The following FNBP1 variants were observed in gnomAD, a reference collection of about 807,000 sequenced individuals.
FNBP1 encodes formin binding protein 1, also known as formin-binding protein 1.
A neutral mutation model predicts 90.6 loss-of-function variants in FNBP1; 26 were observed. The observed-to-expected ratio is 0.29, with a 90% CI of 0.21 to 0.40. The LOEUF (loss-of-function observed/expected upper bound fraction) is 0.40. Among genes scored for constraint, FNBP1 ranks in the 10% least tolerant of loss-of-function variants. FNBP1 has a pLI of 1.00. For missense variants in FNBP1, 635 were observed against 768.0 expected, an observed-to-expected ratio of 0.83 and a Z score of 2.05; for synonymous variants, 260 against 265.2, an observed-to-expected ratio of 0.98 and a Z score of 0.19.
In FNBP1 at chr9:129,957,414, C is replaced by G; in HGVS notation, c.459G>C (p.Gln153His). The change falls in exon 6 of 17, where the codon CAG (glutamine) becomes CAC (histidine). Residue 153 changes from glutamine to histidine, a missense_variant. Transcript: ENST00000446176. The surrounding 1 kb of genome is among the most constrained non-coding windows in gnomAD (Gnocchi z 4.3). ...TGTCAGCGTCCATTTTCTCAAAGTA[C>G]TGCTGCGCCCTGTCCGCCTCTTTGC... ...RDCKEADRAQ[Q>H]YFEKMDADIN... 3.1e-6 allele frequency: 5 copies of G among 1,613,882 alleles called. No individual in the cohort carries two copies. Among genetic ancestry groups the G allele is most frequent in the African/African-American group, 2.7e-5 (2 of 75,052 alleles).
In FNBP1 at chr9:130,040,356, C is replaced by T. The variant is rs1234256603; in HGVS notation, c.24+2596G>A. ...TTTTAACGTCAAGCGTGGTGGCTCA[C>T]GCCTGCGATCCCAGCACTTTGGGAG... On this transcript the variant is annotated intron_variant, in intron 1 of 16. Coordinates refer to ENST00000446176, the MANE Select transcript of FNBP1 (RefSeq NM_015033.3). Among the ~76,000 whole-genome samples, 7 of 152,296 alleles carry T rather than the reference C, an allele frequency of 4.6e-5. No individual in the cohort carries two copies. In the East Asian group the frequency reaches 7.7e-4, roughly 17 times the overall value.
chr9:129,948,057 G>C (rs1009234634), intron 6 of FNBP1, among the ~76,000 whole-genome samples: 2 of 151,766 alleles, frequency 1.3e-5, no homozygotes, highest in African/African-American at 4.8e-5. Context: ...GTGAAGCTGA[G>C]GCAGGAGGAT....
At chr9:130,035,457 T>C (rs1010142522) in intron 1 of FNBP1, among the ~76,000 whole-genome samples, 1 of 152,130 alleles carries the variant, frequency 6.6e-6, no homozygotes, top group East Asian at 1.9e-4. Flanking sequence ...CCTTCACAGG[T>C]GTTACTCCCC....
chr9:129,907,580 G>GGGGGGTGT (rs942734835), intron 12 of FNBP1, among the ~76,000 whole-genome samples: 15 of 147,206 alleles, frequency 1.0e-4, no homozygotes, highest in Admixed American at 2.0e-4. Context: ...TAGGAGTGAG[G>GGGGGGTGT]GTGTGTGTGT....
intron 2 of FNBP1, among the ~76,000 whole-genome samples, chr9:129,987,238 C>G (rs1247610658): frequency 1.3e-5 from 2 of 151,948 alleles, no homozygotes; most frequent in Non-Finnish European, 2.9e-5. Flanking sequence ...ACGTCCCAAG[C>G]TCTAACGAGG....
intron 7 of FNBP1, among the ~76,000 whole-genome samples, chr9:129,928,427 G>C (rs940284015): frequency 1.4e-4 from 21 of 152,330 alleles, no homozygotes; most frequent in African/African-American, 5.1e-4. Flanking sequence ...GGGAGGCCAA[G>C]GCGGGCGGAT....
intron 6 of FNBP1, among the ~76,000 whole-genome samples, chr9:129,930,527 T>C (rs1267058162): frequency 6.6e-6 from 1 of 152,230 alleles, no homozygotes; most frequent in Non-Finnish European, 1.5e-5. Flanking sequence ...ATGCTTTTTA[T>C]GTTTTTTGAG....
intron 6 of FNBP1, among the ~76,000 whole-genome samples, chr9:129,954,994 C>CAA (rs993946130): frequency 1.9e-4 from 27 of 139,538 alleles, no homozygotes; most frequent in Non-Finnish European, 3.0e-4. Flanking sequence ...AACTTCGTCC[C>CAA]AAAAAAAAAA....
chr9:129,994,699 T>C, intron 2 of FNBP1, 144 bp downstream of exon 2: 1 of 407,624 alleles, frequency 2.5e-6, no homozygotes, highest in Non-Finnish European at 4.3e-6. Flanking sequence ...ATTTTCTGTA[T>C]GAAAAACAAT....
Position 129,978,511 on chromosome 9 carries a change from A to G in FNBP1, c.299T>C (p.Val100Ala), listed in dbSNP as rs750976855. ...TTCCTGAACATAGCGTGCCAAGTCC[A>G]CAATGATCTGTGATGCCATGTTCTC... The part of the protein sequence containing the change: ...ISENMASQII[V>A]DLARYVQELK... Residue 100 changes from valine to alanine, a missense_variant, in exon 4 of 17, where the codon GTG becomes GCG. Transcript: ENST00000446176. 1.9e-6 allele frequency: 3 copies of G among 1,613,692 alleles called. No homozygotes were observed. The highest frequency in any genetic ancestry group is 4.5e-5 in the East Asian group (2 of 44,898).
chr9:130,000,804 A>G (rs968925122), intron 1 of FNBP1, among the ~76,000 whole-genome samples: 2 of 152,300 alleles, frequency 1.3e-5, no homozygotes, highest in African/African-American at 4.8e-5. Context: ...TGTTTGCCAG[A>G]TACTCAAAAG....
chr9:129,926,684 C>A (rs184141588), intron 8 of FNBP1, among the ~76,000 whole-genome samples: 1 of 151,820 alleles, frequency 6.6e-6, no homozygotes, highest in African/African-American at 2.4e-5. Context: ...GTCAGGAGTT[C>A]GAGACCAGCC....
chr9:129,983,946 CTTGT>C (rs1564500851), intron 2 of FNBP1, among the ~76,000 whole-genome samples: 3 of 152,244 alleles, frequency 2.0e-5, no homozygotes, highest in African/African-American at 7.2e-5. Flanking sequence ...AAAATCTCGA[CTTGT>C]TTTTCAGGTA....
chr9:129,937,537 C>T (rs1050101805), intron 6 of FNBP1, among the ~76,000 whole-genome samples: 1 of 151,536 alleles, frequency 6.6e-6, no homozygotes, highest in African/African-American at 2.4e-5. Flanking sequence ...TCAAGACCAG[C>T]CTGGCCAACA....
chr9:129,927,259 A>T lies in FNBP1; in HGVS notation c.725T>A (p.Ile242Asn). 1 of 1,613,896 alleles carries T rather than the reference A, an allele frequency of 6.2e-7. No individual in the cohort carries two copies. Among genetic ancestry groups the T allele is most frequent in the Non-Finnish European group, 8.5e-7 (1 of 1,179,788 alleles). ...ATCCAGGCACTTCCCAATGATTGGG[A>T]TCACCTGCCGATCAACCTCTGCATA... ...KTYAEVDRQV[I>N]PIIGKCLDGI... is the part of the protein sequence containing the mutation. Residue 242 changes from isoleucine to asparagine, a missense_variant, in exon 8 of 17, where the codon ATC (isoleucine) becomes AAC (asparagine). Ile to Asn is a moderately radical substitution (Grantham distance 149). Coordinates refer to ENST00000446176, the MANE Select transcript of FNBP1 (RefSeq NM_015033.3).
Position 129,966,550 on chromosome 9 carries a change from G to A in FNBP1, c.346-7997C>T, listed in dbSNP as rs2048670083. ...TCGAGACCAGCCTGGCCAACATGAT[G>A]AAATGCCGTCTCTACTAAAAATACA... On this transcript the variant is annotated intron_variant, in intron 4 of 16. Transcript: ENST00000446176. The surrounding 1 kb of genome is among the most constrained non-coding windows in gnomAD (Gnocchi z 4.3). Among the ~76,000 whole-genome samples, 1 of 152,074 alleles carries A rather than the reference G, an allele frequency of 6.6e-6. No individual in the cohort carries two copies. The highest frequency in any genetic ancestry group is 2.1e-4 in the South Asian group (1 of 4,812).
chr9:130,049,761 C>T, the FNBP1 span, among the ~76,000 whole-genome samples: 2 of 151,886 alleles, frequency 1.3e-5, no homozygotes, highest in African/African-American at 2.4e-5. Context: ...ATGTTTAGCA[C>T]ATAATATACA....
intron 6 of FNBP1, among the ~76,000 whole-genome samples, chr9:129,931,545 G>A (rs2042742610): frequency 1.3e-5 from 2 of 151,958 alleles, no homozygotes; most frequent in Admixed American, 6.6e-5. Context: ...GGCGGAGCTT[G>A]CAATGAGCCG....
chr9:129,927,409 G>T, intron 7 of FNBP1, 68 bp from the exon 8 acceptor site: 1 of 1,499,806 alleles, frequency 6.7e-7, no homozygotes, highest in Non-Finnish European at 9.2e-7. Flanking sequence ...TTTTTCGGCA[G>T]CATTGTTACC....
Sources: allele counts gnomAD v4.1 joint callset (sites outside exome capture counted in the v4.1 genomes callset), GRCh38; gene constraint gnomAD v4.1.1; non-coding constraint Gnocchi (gnomAD v3.1); transcripts MANE v1.5; gene names NCBI Gene and HGNC (gene_info 2026-07-23, HGNC 2026-07-21).